The following ANOS1 variants were observed in gnomAD, a reference collection of about 807,000 sequenced individuals.
ANOS1 encodes anosmin-1.
Under a neutral mutation model 59.0 loss-of-function variants are expected in ANOS1, and 6 were observed. The observed-to-expected ratio is 0.10, with a 90% CI of 0.06 to 0.20. The LOEUF (loss-of-function observed/expected upper bound fraction) is 0.20. Among genes scored for constraint, ANOS1 ranks in the 10% least tolerant of loss-of-function variants. ANOS1 has a pLI of 1.00. For missense variants in ANOS1, 433 were observed against 542.3 expected, an observed-to-expected ratio of 0.80 and a Z score of 2.00; for synonymous variants, 217 against 223.4, an observed-to-expected ratio of 0.97 and a Z score of 0.25.
intron 2 of ANOS1, among the ~76,000 whole-genome samples, chrX:8,662,948 C>T (rs1249454446): frequency 2.7e-5 from 3 of 111,886 alleles, no homozygotes; most frequent in Non-Finnish European, 5.6e-5. Flanking sequence ...CGCTTGAACC[C>T]GGGAGGCGGA....
At chrX:8,545,853 C>CAAG (rs1257534143) in intron 9 of ANOS1, among the ~76,000 whole-genome samples, 1 of 112,153 alleles carries the variant, frequency 8.9e-6, no homozygotes, top group African/African-American at 3.2e-5. Context: ...GATTAATGAG[C>CAAG]AAGATTCTTT....
intron 1 of ANOS1, among the ~76,000 whole-genome samples, chrX:8,729,517 C>T (rs1242772199): frequency 2.0e-5 from 2 of 102,099 alleles, no homozygotes; most frequent in African/African-American, 7.2e-5. Flanking sequence ...CCTCCCTCAG[C>T]CTCCTGAGTA....
intron 8 of ANOS1, chrX:8,566,170 C>T (rs971732599): frequency 1.3e-6 from 1 of 752,536 alleles, no homozygotes; most frequent in African/African-American, 2.3e-5. Context: ...TTCCCCAACT[C>T]CATGTTGGTC....
At chrX:8,624,011 CTTTTT>C (rs566769185) in intron 2 of ANOS1, among the ~76,000 whole-genome samples, 5,391 of 69,200 alleles carry the variant, frequency 0.078, 222 homozygotes, top group South Asian at 0.22. Flanking sequence ...CTTTTCTTTT[CTTTTT>C]TTTTTTTTTT....
intron 6 of ANOS1, among the ~76,000 whole-genome samples, chrX:8,573,743 C>T (rs1930272778): frequency 9.0e-6 from 1 of 111,298 alleles, no homozygotes; most frequent in Admixed American, 9.5e-5. Flanking sequence ...TATCCTACCA[C>T]ACACAGCCCA....
chrX:8,691,605 T>C (rs1190192055), intron 2 of ANOS1, among the ~76,000 whole-genome samples: 1 of 111,759 alleles, frequency 8.9e-6, no homozygotes, highest in Non-Finnish European at 1.9e-5. Flanking sequence ...ATGCAAAATG[T>C]TGTATTCCTG....
At chrX:8,724,606 C>A (rs1385328606) in intron 1 of ANOS1, among the ~76,000 whole-genome samples, 1 of 112,312 alleles carries the variant, frequency 8.9e-6, no homozygotes, top group Non-Finnish European at 1.9e-5. Context: ...TGGTGCCCAT[C>A]GGCCAAAGGT....
At chrX:8,644,875 T>C (rs1287207619) in intron 2 of ANOS1, among the ~76,000 whole-genome samples, 1 of 112,732 alleles carries the variant, frequency 8.9e-6, no homozygotes, top group African/African-American at 3.2e-5. Context: ...CCTTTCAGGC[T>C]GAACCAATGT....
intron 12 of ANOS1, 111 bp from the exon 13 acceptor site, chrX:8,534,571 G>A: frequency 1.3e-6 from 1 of 799,016 alleles, no homozygotes; most frequent in South Asian, 2.2e-5. Flanking sequence ...TCATACACAG[G>A]CAAGTTTGGT....
At chrX:8,718,455 C>T (rs1932854326) in intron 1 of ANOS1, among the ~76,000 whole-genome samples, 1 of 112,434 alleles carries the variant, frequency 8.9e-6, no homozygotes, top group South Asian at 3.7e-4. Flanking sequence ...CCCTAGGTGA[C>T]GTCTTTGTCC....
chrX:8,535,651 C>T lies in ANOS1; in HGVS notation c.1782G>A (p.Thr594=), dbSNP rs375373285. 185 of 1,209,266 alleles carry T rather than the reference C, an allele frequency of 1.5e-4. No individual in the cohort carries two copies. The East Asian group carries it at 1.7e-3, about 11-fold the overall frequency. Residue 594 remains threonine (T), a synonymous_variant, in exon 12 of 14, where the codon ACG becomes ACA. Coordinates refer to ENST00000262648, the MANE Select transcript of ANOS1 (RefSeq NM_000216.4). ...GFQVTWAEVT[T]ESRQNSLPNS... ...TGGGTAGGCTGTTCTGTCTGCTTTC[C>T]GTAGTGACCTCAGCCCAAGTCACTT...
chrX:8,671,944 T>C (rs758159461), intron 2 of ANOS1, among the ~76,000 whole-genome samples: 34 of 110,867 alleles, frequency 3.1e-4, no homozygotes, highest in Admixed American at 6.8e-4. Flanking sequence ...ATCTACTCTT[T>C]CAGTGATTTT....
chrX:8,600,926 C>A (rs1402356972), intron 3 of ANOS1, among the ~76,000 whole-genome samples: 1 of 111,843 alleles, frequency 8.9e-6, no homozygotes, highest in African/African-American at 3.2e-5. Context: ...CGTGGTGGCT[C>A]ACGCCTGTAA....
At chrX:8,667,387 C>A (rs935752983) in intron 2 of ANOS1, among the ~76,000 whole-genome samples, 1 of 110,944 alleles carries the variant, frequency 9.0e-6, no homozygotes, top group Non-Finnish European at 1.9e-5. Flanking sequence ...ACTCAAACTC[C>A]TGGGCTTAAG....
chrX:8,608,958 C>T (rs765466086), intron 3 of ANOS1, among the ~76,000 whole-genome samples: 1 of 112,588 alleles, frequency 8.9e-6, no homozygotes, highest in African/African-American at 3.2e-5. Flanking sequence ...ATTACCCAGT[C>T]TCTGGCAGTT....
rs768603729 is a variant in ANOS1 at position 8,554,038 on chromosome X, C to T, written c.1268G>A (p.Arg423Gln). ...GACTTCCAGCGGGCGAGTGGGTCGT[C>T]GTCTTTGAAAAGGGAGTTGTGTTTG... The part of the protein sequence containing the change: ...GIQTQLPFQR[R>Q]RPTRPLEVGA... The change falls in exon 9 of 14, where the codon CGA becomes CAA. Residue 423 changes from arginine (R) to glutamine (Q), a missense_variant. Arg to Gln is a conservative substitution (Grantham distance 43). Coordinates refer to ENST00000262648, the MANE Select transcript of ANOS1 (RefSeq NM_000216.4). The T allele has an allele frequency of 1.7e-6, 2 of 1,207,235 alleles. No individual in the cohort carries two copies. The highest frequency in any genetic ancestry group is 1.8e-5 in the South Asian group (1 of 56,850).
chrX:8,709,247 C>G (rs1039183228), intron 1 of ANOS1, among the ~76,000 whole-genome samples: 1 of 107,269 alleles, frequency 9.3e-6, no homozygotes, highest in African/African-American at 3.4e-5. Context: ...GCACAGGTAT[C>G]CCAGAACTTA....
At chrX:8,660,194 C>T (rs994596495) in intron 2 of ANOS1, among the ~76,000 whole-genome samples, 4 of 111,441 alleles carry the variant, frequency 3.6e-5, no homozygotes, top group Non-Finnish European at 7.5e-5. Flanking sequence ...CTCTGGGCAA[C>T]GCTGTCTTGT....
At chrX:8,684,660 C>G (rs748770399) in intron 2 of ANOS1, among the ~76,000 whole-genome samples, 43 of 110,101 alleles carry the variant, frequency 3.9e-4, no homozygotes, top group African/African-American at 1.4e-3. Flanking sequence ...CCCCACCCCC[C>G]GCCTTCCCCG....
Sources: gnomAD v4.1 joint callset for allele counts (sites outside exome capture counted in the v4.1 genomes callset) on GRCh38, gnomAD v4.1.1 for gene constraint, MANE v1.5 for transcripts, NCBI Gene and HGNC (gene_info 2026-07-23, HGNC 2026-07-21) for gene names.